Variants in PDE4D observed in about 807,000 individuals in gnomAD.
PDE4D encodes the protein phosphodiesterase 4D, also known as 3',5'-cyclic-AMP phosphodiesterase 4D.
Under a neutral mutation model 87.4 loss-of-function variants are expected in PDE4D, and 24 were observed. The ratio of observed to expected loss-of-function variants is 0.27; its 90% CI spans 0.20 to 0.39. The LOEUF (loss-of-function observed/expected upper bound fraction) is 0.39, where lower values mean the gene tolerates loss of function less well. Among genes scored for constraint, PDE4D ranks in the 10% least tolerant of loss-of-function variants. The pLI, the probability that PDE4D is intolerant of heterozygous loss-of-function variation, is 1.00. For missense variants in PDE4D, 714 were observed against 1,041.0 expected (o/e 0.69, Z 4.32); for synonymous variants, 384 against 383.2 (o/e 1.00, Z -0.02).
At chr5:59,701,428 C>A (rs991601765) in intron 1 of PDE4D, among the ~76,000 whole-genome samples, 4 of 152,152 alleles carry the variant, frequency 2.6e-5, no homozygotes, top group Admixed American at 2.0e-4. Context: ...ATGTTAGTGT[C>A]TTCAGTATAC....
chr5:60,260,378 C>A (rs770246789), intron 1 of PDE4D, among the ~76,000 whole-genome samples: 7 of 151,978 alleles, frequency 4.6e-5, no homozygotes, highest in African/African-American at 1.7e-4. Flanking sequence ...TAGACCCTGT[C>A]ACACTTTTTA....
chr5:59,971,092 T>C (rs1169849481), intron 3 of PDE4D, among the ~76,000 whole-genome samples: 1 of 151,106 alleles, frequency 6.6e-6, no homozygotes, highest in Non-Finnish European at 1.5e-5. Context: ...TCATTCTCAG[T>C]AAACTATCGC....
At chr5:59,321,366 G>A (rs1304414472) in intron 1 of PDE4D, among the ~76,000 whole-genome samples, 1 of 152,022 alleles carries the variant, frequency 6.6e-6, no homozygotes, top group Admixed American at 6.6e-5. Flanking sequence ...TTATGCTTAG[G>A]GTTGGAATCA....
At chr5:59,726,829 A>G (rs1756666715) in intron 1 of PDE4D, among the ~76,000 whole-genome samples, 1 of 152,166 alleles carries the variant, frequency 6.6e-6, no homozygotes, top group Admixed American at 6.6e-5. Context: ...GCATACATAT[A>G]TGTAAACTAT....
chr5:59,956,599 A>T (rs1340539541), intron 3 of PDE4D, among the ~76,000 whole-genome samples: 1 of 152,208 alleles, frequency 6.6e-6, no homozygotes, highest in Non-Finnish European at 1.5e-5. Context: ...GGAATTTCAA[A>T]TATTTCTGTA....
At chr5:60,451,876 A>C (rs771959821) in intron 1 of PDE4D, among the ~76,000 whole-genome samples, 138 of 152,094 alleles carry the variant, frequency 9.1e-4, no homozygotes, top group Non-Finnish European at 1.7e-3. Flanking sequence ...ATGTTTTGCC[A>C]GGTTTGTTGA....
intron 2 of PDE4D, among the ~76,000 whole-genome samples, chr5:60,162,421 C>T (rs1782540485): frequency 6.6e-6 from 1 of 152,038 alleles, no homozygotes; most frequent in South Asian, 2.1e-4. Context: ...TATTTAAAAC[C>T]TTTTGTTGGG....
intron 1 of PDE4D, among the ~76,000 whole-genome samples, chr5:60,381,786 T>C (rs932024326): frequency 1.3e-5 from 2 of 151,978 alleles, no homozygotes; most frequent in Admixed American, 6.6e-5. Context: ...CTGGAATCTG[T>C]GATGAAAGCC....
intron 5 of PDE4D, among the ~76,000 whole-genome samples, chr5:59,144,626 A>C (rs1191121128): frequency 6.6e-6 from 1 of 152,196 alleles, no homozygotes; most frequent in Non-Finnish European, 1.5e-5. Context: ...GTATTTGTTA[A>C]ACACTGATGA....
intron 1 of PDE4D, among the ~76,000 whole-genome samples, chr5:60,245,158 A>T (rs1051851529): frequency 4.6e-5 from 7 of 152,026 alleles, no homozygotes; most frequent in Admixed American, 2.0e-4. Context: ...TCAAAAGAAG[A>T]CATACAAATG....
At chr5:59,845,112 C>T (rs1743628918) in intron 1 of PDE4D, among the ~76,000 whole-genome samples, 1 of 152,014 alleles carries the variant, frequency 6.6e-6, no homozygotes, top group African/African-American at 2.4e-5. Context: ...GAAAGAGGAC[C>T]CTGAGCCCCA....
intron 2 of PDE4D, among the ~76,000 whole-genome samples, chr5:59,992,460 A>G (rs1763115393): frequency 2.0e-5 from 3 of 152,210 alleles, no homozygotes; most frequent in Admixed American, 2.0e-4. Flanking sequence ...GTCCCTCTAG[A>G]GAACCCTGAC....
intron 1 of PDE4D, among the ~76,000 whole-genome samples, chr5:59,260,249 A>G (rs1186194499): frequency 6.6e-6 from 1 of 151,846 alleles, no homozygotes; most frequent in Non-Finnish European, 1.5e-5. Flanking sequence ...TAAGGTTTTT[A>G]TTTAGTATTC....
intron 1 of PDE4D, among the ~76,000 whole-genome samples, chr5:59,668,828 G>GA (rs1746581060): frequency 3.8e-5 from 2 of 52,604 alleles, no homozygotes; most frequent in African/African-American, 1.4e-4. Flanking sequence ...AGAAGAAGAA[G>GA]AAGAGGAAGA....
At chr5:59,792,168 G>A (rs934013827) in intron 1 of PDE4D, among the ~76,000 whole-genome samples, 13 of 152,208 alleles carry the variant, frequency 8.5e-5, no homozygotes, top group African/African-American at 2.9e-4. Context: ...GGGAGGAAAC[G>A]TGGCACAGAA....
At chr5:59,907,021 C>T (rs1291677313) in intron 3 of PDE4D, among the ~76,000 whole-genome samples, 1 of 152,104 alleles carries the variant, frequency 6.6e-6, no homozygotes, top group African/African-American at 2.4e-5. Context: ...AAATGTGGTA[C>T]ATATACTCCA....
Position 59,079,854 on chromosome 5 carries a change from G to T in PDE4D, c.809-40883C>A, listed in dbSNP as rs1305624630. ...GGAAAGGAGGGGAGAGGAGGGGAGA[G>T]GAGAGGAGAGGAGAGGAGAGGAGAG... On this transcript the variant is annotated intron_variant, in intron 5 of 14. Coordinates refer to ENST00000340635, the MANE Select transcript of PDE4D (RefSeq NM_001104631.2). 6.8e-5 allele frequency among the ~76,000 whole-genome samples: 4 copies of T among 59,100 alleles called. No homozygotes were observed. In the Admixed American group the frequency reaches 7.6e-4, roughly 11 times the overall value. The allele number at this position is 59,100 out of a possible 152,430, so 38.8% of individuals were successfully genotyped here.
intron 1 of PDE4D, among the ~76,000 whole-genome samples, chr5:59,293,753 G>T (rs886916676): frequency 2.0e-5 from 3 of 152,110 alleles, no homozygotes; most frequent in Non-Finnish European, 4.4e-5. Context: ...TGGGCAGGGT[G>T]CGTGTGCAGG....
At chr5:59,310,958 T>C (rs925422474) in intron 1 of PDE4D, among the ~76,000 whole-genome samples, 12 of 152,134 alleles carry the variant, frequency 7.9e-5, no homozygotes, top group African/African-American at 2.9e-4. Flanking sequence ...TAAAGGGATA[T>C]GGAGAATGGG....
Sources: gnomAD v4.1 joint callset for allele counts (sites outside exome capture counted in the v4.1 genomes callset) on GRCh38, gnomAD v4.1.1 for gene constraint, MANE v1.5 for transcripts, NCBI Gene and HGNC (gene_info 2026-07-23, HGNC 2026-07-21) for gene names.